Variants in PPP1R21 observed in about 807,000 individuals in gnomAD.
The protein encoded by PPP1R21 is KLRAQ motif containing 1.
PPP1R21 carries 85 observed loss-of-function variants against 112.8 expected under a neutral mutation model. That is an observed-to-expected ratio of 0.75 (90% CI 0.63 to 0.90). PPP1R21 has a LOEUF of 0.90. Among genes scored for constraint, PPP1R21 ranks in the 40% least tolerant of loss-of-function variants. The pLI is 0.00. For missense variants in PPP1R21, 1,199 were observed against 901.5 expected (o/e 1.33, Z -4.23); for synonymous variants, 381 against 322.3 (o/e 1.18, Z -1.95).
At chr2:48,468,806 C>T (rs1483795780) in intron 9 of PPP1R21, among the ~76,000 whole-genome samples, 1 of 149,102 alleles carries the variant, frequency 6.7e-6, no homozygotes, top group Non-Finnish European at 1.5e-5. Flanking sequence ...CAGAGTGAGA[C>T]CCTGTCTCAA....
Position 48,440,896 on chromosome 2 carries a change from G to A in PPP1R21, c.-58G>A. The A allele has an allele frequency of 1.6e-6, 2 of 1,279,340 alleles. No individual in the cohort carries two copies. Among genetic ancestry groups the A allele is most frequent in the Non-Finnish European group, 2.2e-6 (2 of 897,144 alleles). The allele number at this position is 1,279,340 out of a possible 1,614,324, so 79.2% of individuals were successfully genotyped here. On this transcript the variant is annotated 5_prime_UTR_variant, in exon 1 of 22. Coordinates refer to ENST00000294952, the MANE Select transcript of PPP1R21 (RefSeq NM_001135629.3). ...TTCCCGGGAGCGTGTCTGGGTTTGG[G>A]GGCGGGAGACAGGCTGAGCCGCCTG...
At chr2:48,506,341 G>A (rs1306699094) in intron 18 of PPP1R21, among the ~76,000 whole-genome samples, 1 of 152,138 alleles carries the variant, frequency 6.6e-6, no homozygotes, top group Non-Finnish European at 1.5e-5. Context: ...TGATCCATCT[G>A]CCTCGGCCTC....
At chr2:48,461,112 G>C in intron 6 of PPP1R21, 26 bp from the exon 7 acceptor site, 2 of 1,563,232 alleles carry the variant, frequency 1.3e-6, no homozygotes, top group Non-Finnish European at 1.7e-6. Flanking sequence ...TGATAATGTG[G>C]TTTTGTATTT....
chr2:48,459,462 G>GCT (rs1024013087), intron 4 of PPP1R21, among the ~76,000 whole-genome samples: 13 of 152,278 alleles, frequency 8.5e-5, no homozygotes, highest in African/African-American at 3.1e-4. Flanking sequence ...GGAGGTGCAG[G>GCT]CTTTGGAGTA....
chr2:48,485,778 G>A (rs1001090977), intron 13 of PPP1R21, among the ~76,000 whole-genome samples: 2 of 150,540 alleles, frequency 1.3e-5, no homozygotes, highest in Admixed American at 6.6e-5. Context: ...AAAATTTCTT[G>A]ATTCTAAATT....
intron 3 of PPP1R21, among the ~76,000 whole-genome samples, chr2:48,455,142 A>AT (rs767494556): frequency 0.055 from 6,457 of 116,874 alleles, 327 homozygotes; most frequent in East Asian, 0.3. Flanking sequence ...CCGGCCCTGA[A>AT]TTTTTTTTTT....
intron 7 of PPP1R21, among the ~76,000 whole-genome samples, chr2:48,463,408 C>T (rs574377866): frequency 2.6e-5 from 4 of 152,028 alleles, no homozygotes; most frequent in Non-Finnish European, 5.9e-5. Flanking sequence ...TTTGTGGCCT[C>T]GAGAGGACTA....
intron 11 of PPP1R21, among the ~76,000 whole-genome samples, chr2:48,472,239 CAAAAAAAAAAAA>C (rs57711610): frequency 2.8e-4 from 12 of 43,016 alleles, no homozygotes; most frequent in East Asian, 1.9e-3. Flanking sequence ...GACTCCATCT[CAAAAAAAAAAAA>C]AAAAAAAAAA....
Position 48,454,882 on chromosome 2 carries a change from C to G in PPP1R21, c.273+141C>G. The G allele has an allele frequency of 6.0e-6, 4 of 667,838 alleles. No individual in the cohort carries two copies. In the South Asian group the frequency reaches 7.4e-5, roughly 12 times the overall value. 41.4% of individuals were successfully genotyped at this position (667,838 alleles called of 1,614,324 possible). A position where few individuals can be genotyped will look rare whatever the true frequency, so the allele number is the denominator to read the frequency against. ...TGAGACAGGGTCTTGCTCTGCCACC[C>G]ATGCTGGAGTGCTGTGGTGTGATCT... On this transcript the variant is annotated intron_variant, in intron 3 of 21. Coordinates refer to ENST00000294952, the MANE Select transcript of PPP1R21 (RefSeq NM_001135629.3).
At chr2:48,477,574 C>G (rs1375647332) in intron 12 of PPP1R21, among the ~76,000 whole-genome samples, 1 of 151,432 alleles carries the variant, frequency 6.6e-6, no homozygotes, top group East Asian at 1.9e-4. Context: ...ATTCTCAGGT[C>G]TATTTCATTG....
chr2:48,475,808 T>C (rs1189851570), intron 12 of PPP1R21, among the ~76,000 whole-genome samples: 1 of 151,900 alleles, frequency 6.6e-6, no homozygotes, highest in Non-Finnish European at 1.5e-5. Context: ...GATCGTGCCA[T>C]TGCGCTCCAG....
chr2:48,506,892 G>C (rs1441392580), intron 18 of PPP1R21, among the ~76,000 whole-genome samples: 1 of 149,122 alleles, frequency 6.7e-6, no homozygotes, highest in Non-Finnish European at 1.5e-5. Flanking sequence ...CTTGCAGTGA[G>C]CCAAGACTGC....
intron 17 of PPP1R21, 53 bp from the exon 18 acceptor site, chr2:48,505,511 G>A (rs1312486342): frequency 6.0e-6 from 8 of 1,324,974 alleles, no homozygotes; most frequent in East Asian, 2.5e-5. Context: ...TTGATCTATT[G>A]TGCTTGAAAT....
chr2:48,454,261 A>G (rs1667610082), intron 2 of PPP1R21, among the ~76,000 whole-genome samples: 1 of 151,082 alleles, frequency 6.6e-6, no homozygotes, highest in South Asian at 2.1e-4. Flanking sequence ...ACTCTGTCTC[A>G]AAAAATAAAT....
At chr2:48,474,037 T>G (rs976100883) in intron 11 of PPP1R21, among the ~76,000 whole-genome samples, 2 of 152,224 alleles carry the variant, frequency 1.3e-5, no homozygotes, top group African/African-American at 4.8e-5. Flanking sequence ...AGGAATTTAG[T>G]CTGTGAAAAT....
At position 48,486,385 on chromosome 2, in the gene PPP1R21, G is replaced by T. The variant is rs1669297195; in HGVS notation, c.1319-246G>T. Among the ~76,000 whole-genome samples, 9 of 152,172 alleles carry T rather than the reference G, an allele frequency of 5.9e-5. No individual in the cohort carries two copies. The South Asian group carries it at 1.9e-3, about 32-fold the overall frequency. ...CCAATGTTAGAATTAATACTCCGACGAGGAAATCTTGGTGGCTGTAGTAAA... is the reference window on the plus strand; with the variant it reads ...CCAATGTTAGAATTAATACTCCGACTAGGAAATCTTGGTGGCTGTAGTAAA... On this transcript the variant is annotated intron_variant, in intron 13 of 21. Transcript: ENST00000294952.
At chr2:48,506,447 A>T (rs1308411212) in intron 18 of PPP1R21, among the ~76,000 whole-genome samples, 2 of 152,118 alleles carry the variant, frequency 1.3e-5, no homozygotes, top group African/African-American at 2.4e-5. Context: ...CCAACTTACC[A>T]CTCAGTATGG....
chr2:48,443,277 A>G (rs1296499277), intron 1 of PPP1R21, among the ~76,000 whole-genome samples: 2 of 152,214 alleles, frequency 1.3e-5, no homozygotes, highest in East Asian at 1.9e-4. Flanking sequence ...AATGAGGGCC[A>G]GCGGGAAGAA....
rs776063127 is a variant in PPP1R21 at position 48,495,816 on chromosome 2, G to A, written c.1692+45G>A. The stretch of plus-strand genomic sequence containing the variant: ...ATGGAAATTGTTAAAGAACAGAAAT[G>A]TTAAATCCCCCATAGAAAGTTTTTA... On this transcript the variant is annotated intron_variant, in intron 16 of 21. Transcript: ENST00000294952. 4.5e-6 allele frequency: 5 copies of A among 1,100,638 alleles called. No individual in the cohort carries two copies. The African/African-American group carries it at 4.6e-5, about 10-fold the overall frequency. The allele number at this position is 1,100,638 out of a possible 1,614,324, so 68.2% of individuals were successfully genotyped here.
Sources: allele counts gnomAD v4.1 joint callset (sites outside exome capture counted in the v4.1 genomes callset), GRCh38; gene constraint gnomAD v4.1.1; transcripts MANE v1.5; gene names NCBI Gene and HGNC (gene_info 2026-07-23, HGNC 2026-07-21).